Variants in KIAA1958 observed in about 807,000 individuals in gnomAD.
KIAA1958 encodes the protein uncharacterized protein KIAA1958.
KIAA1958 carries 14 observed loss-of-function variants against 47.2 expected under a neutral mutation model. The ratio of observed to expected loss-of-function variants is 0.30; its 90% CI spans 0.20 to 0.46. The LOEUF (loss-of-function observed/expected upper bound fraction) is 0.46. KIAA1958 is among the 20% of genes least tolerant of loss of function. The pLI is 1.00. For synonymous variants in KIAA1958, 354 were observed against 353.3 expected, an observed-to-expected ratio of 1.00 and a Z score of -0.02; for missense variants, 803 against 909.2, an observed-to-expected ratio of 0.88 and a Z score of 1.50.
rs138201479 is a variant in KIAA1958 at position 112,604,074 on chromosome 9, T to C, written c.1171+28823T>C. 5.5e-3 allele frequency among the ~76,000 whole-genome samples: 833 copies of C among 152,356 alleles called. 11 individuals are homozygous for C. The highest frequency in any genetic ancestry group is 0.019 in the African/African-American group (800 of 41,590). On this transcript the variant is annotated intron_variant, in intron 2 of 3. Transcript: ENST00000337530. ...GGAATGTGATAGCCAAGTTTGTTTT[T>C]ATTTTAAATTGGGTACTGTAGCAAT...
chr9:112,545,641 G>A (rs1369053183), intron 1 of KIAA1958, among the ~76,000 whole-genome samples: 5 of 152,068 alleles, frequency 3.3e-5, no homozygotes, highest in African/African-American at 4.8e-5. Context: ...CTTAGGATTC[G>A]TGCTATTTGC....
intron 1 of KIAA1958, among the ~76,000 whole-genome samples, chr9:112,494,980 C>G (rs1353822164): frequency 6.8e-6 from 1 of 146,968 alleles, no homozygotes; most frequent in East Asian, 2.0e-4. Context: ...ATTTTTTTTT[C>G]TTTTTGAGAC....
At chr9:112,539,130 G>A (rs947303721) in intron 1 of KIAA1958, among the ~76,000 whole-genome samples, 4 of 152,212 alleles carry the variant, frequency 2.6e-5, no homozygotes, top group Non-Finnish European at 5.9e-5. Context: ...TTGGAAAACA[G>A]TCTAGCATTT....
intron 1 of KIAA1958, among the ~76,000 whole-genome samples, chr9:112,541,832 CAG>C (rs1834950155): frequency 6.6e-6 from 1 of 151,834 alleles, no homozygotes; most frequent in Non-Finnish European, 1.5e-5. Flanking sequence ...ACAACAAAAA[CAG>C]ATGTTACAGA....
chr9:112,611,947 G>A (rs892270299), intron 2 of KIAA1958, among the ~76,000 whole-genome samples: 1 of 151,848 alleles, frequency 6.6e-6, no homozygotes, highest in African/African-American at 2.4e-5. Flanking sequence ...TAGGAATTTA[G>A]CATATGATAA....
chr9:112,574,845 T>G lies in KIAA1958; in HGVS notation c.765T>G (p.His255Gln). ...SCVGSAKLIP[H>Q]VTSAISTELD... ...TAGGGTCTGCTAAACTGATTCCCCATGTCACATCTGCCATCAGCACGGAGC... is the reference window on the plus strand; with the variant it reads ...TAGGGTCTGCTAAACTGATTCCCCAGGTCACATCTGCCATCAGCACGGAGC... Residue 255 changes from histidine to glutamine, a missense_variant, in exon 2 of 4, where the codon CAT becomes CAG. This residue lies in a region of KIAA1958 where 761 missense variants were observed against 829.3 expected (regional missense o/e 0.92). Transcript: ENST00000337530. 1 of 1,614,132 alleles carries G rather than the reference T, an allele frequency of 6.2e-7. No homozygotes were observed. Among genetic ancestry groups the G allele is most frequent in the Non-Finnish European group, 8.5e-7 (1 of 1,180,010 alleles).
intron 2 of KIAA1958, among the ~76,000 whole-genome samples, chr9:112,609,272 T>C (rs1000189979): frequency 6.6e-6 from 1 of 152,208 alleles, no homozygotes; most frequent in Non-Finnish European, 1.5e-5. Context: ...CTGAAAACAG[T>C]TGACACTCTA....
intron 1 of KIAA1958, among the ~76,000 whole-genome samples, chr9:112,551,469 A>AAAATTTCAAAT (rs1394713989): frequency 6.6e-6 from 1 of 152,240 alleles, no homozygotes; most frequent in African/African-American, 2.4e-5. Flanking sequence ...TTTAATGCTG[A>AAAATTTCAAAT]TATAGCACAG....
intron 2 of KIAA1958, among the ~76,000 whole-genome samples, chr9:112,629,227 G>C (rs1478399630): frequency 1.3e-5 from 2 of 152,112 alleles, no homozygotes; most frequent in Non-Finnish European, 2.9e-5. Context: ...TTAATACTTA[G>C]AGAAAATTGT....
chr9:112,537,942 A>G (rs187920305), intron 1 of KIAA1958, among the ~76,000 whole-genome samples: 200 of 152,348 alleles, frequency 1.3e-3, no homozygotes, highest in Non-Finnish European at 2.3e-3. Flanking sequence ...AGGGAAGAAG[A>G]GGAAACATTA....
intron 1 of KIAA1958, among the ~76,000 whole-genome samples, chr9:112,495,833 A>G (rs1834043807): frequency 6.6e-6 from 1 of 152,200 alleles, no homozygotes; most frequent in Non-Finnish European, 1.5e-5. Context: ...GGCTAGTTGG[A>G]CATTAGCAAG....
At chr9:112,616,951 CTA>C (rs1836417244) in intron 2 of KIAA1958, among the ~76,000 whole-genome samples, 1 of 152,172 alleles carries the variant, frequency 6.6e-6, no homozygotes, top group Admixed American at 6.5e-5. Flanking sequence ...ATACAGATTC[CTA>C]CACCTGCTAC....
intron 2 of KIAA1958, among the ~76,000 whole-genome samples, chr9:112,629,793 G>A (rs534526252): frequency 1.3e-5 from 2 of 152,252 alleles, no homozygotes; most frequent in East Asian, 1.9e-4. Flanking sequence ...TAAAACTTAT[G>A]GAAATAAGAA....
At chr9:112,491,270 CTT>C (rs1360710376) in intron 1 of KIAA1958, among the ~76,000 whole-genome samples, 1 of 152,182 alleles carries the variant, frequency 6.6e-6, no homozygotes, top group Non-Finnish European at 1.5e-5. Flanking sequence ...CCAGCCATAA[CTT>C]TAAAAAAGTT....
chr9:112,620,097 T>C (rs1485128401), intron 2 of KIAA1958, among the ~76,000 whole-genome samples: 3 of 152,236 alleles, frequency 2.0e-5, no homozygotes, highest in Non-Finnish European at 4.4e-5. Flanking sequence ...ATCTGTGATA[T>C]CCTGCAATTA....
chr9:112,502,542 C>T (rs1248877863), intron 1 of KIAA1958, among the ~76,000 whole-genome samples: 2 of 152,100 alleles, frequency 1.3e-5, no homozygotes. Context: ...TTCCAGTTGC[C>T]CTGCTTTCCA....
chr9:112,649,862 A>G (rs1179014839), intron 3 of KIAA1958, among the ~76,000 whole-genome samples: 1 of 152,198 alleles, frequency 6.6e-6, no homozygotes, highest in Non-Finnish European at 1.5e-5. Flanking sequence ...GAAGTCCTTC[A>G]GCCAGAAGGA....
intron 1 of KIAA1958, among the ~76,000 whole-genome samples, chr9:112,537,952 A>G (rs1320618038): frequency 1.3e-5 from 2 of 152,242 alleles, no homozygotes; most frequent in Admixed American, 6.5e-5. Context: ...AGGAAACATT[A>G]TACAATAATA....
At chr9:112,648,442 G>T (rs1368187765) in intron 3 of KIAA1958, among the ~76,000 whole-genome samples, 1 of 152,140 alleles carries the variant, frequency 6.6e-6, no homozygotes, top group Non-Finnish European at 1.5e-5. Flanking sequence ...ACTCAGCTGA[G>T]TACTGATCAA....
Sources: allele counts gnomAD v4.1 joint callset (sites outside exome capture counted in the v4.1 genomes callset), GRCh38; gene constraint gnomAD v4.1.1; regional missense constraint gnomAD v4.1.1; transcripts MANE v1.5; gene names NCBI Gene and HGNC (gene_info 2026-07-23, HGNC 2026-07-21).